The following TAOK3 variants were observed in gnomAD, a reference collection of about 807,000 sequenced individuals.
TAOK3 encodes TAO kinase 3.
A neutral mutation model predicts 120.4 loss-of-function variants in TAOK3; 40 were observed. That is an observed-to-expected ratio of 0.33 (90% CI 0.26 to 0.43). The LOEUF is 0.43. Ranked by LOEUF, TAOK3 falls within the 20% of genes least tolerant of loss-of-function variation. TAOK3 has a pLI of 1.00. For synonymous variants in TAOK3, 355 were observed against 387.5 expected (o/e 0.92, Z 0.99); for missense variants, 821 against 1,112.1 (o/e 0.74, Z 3.72).
chr12:118,156,848 C>T (rs188461429), intron 19 of TAOK3, among the ~76,000 whole-genome samples: 35 of 152,192 alleles, frequency 2.3e-4, no homozygotes, highest in African/African-American at 8.2e-4. Flanking sequence ...AGCGATTCTC[C>T]CGCCTCAGTC....
In TAOK3 at chr12:118,177,234, C is replaced by T; in HGVS notation, c.1662G>A (p.Lys554=). The change falls in exon 16 of 21, where the codon AAG becomes AAA. Residue 554 remains lysine, a synonymous_variant. Transcript: ENST00000392533. Reference sequence around the variant, plus strand: ...TTTTTTCCTTACAAATCTTATACTGCTTCTTCTGACTTTCTAAGAAAGTTG... The same window carrying T: ...TTTTTTCCTTACAAATCTTATACTGTTTCTTCTGACTTTCTAAGAAAGTTG... ...DLTTFLESQK[K]QYKICKEKIK... is the part of the protein sequence containing the mutation. 3 of 1,613,746 alleles carry T rather than the reference C, an allele frequency of 1.9e-6. No individual in the cohort carries two copies. Among genetic ancestry groups the T allele is most frequent in the East Asian group, 2.2e-5 (1 of 44,872 alleles).
chr12:118,343,921 A>G (rs1344035061), intron 1 of TAOK3, among the ~76,000 whole-genome samples: 1 of 151,742 alleles, frequency 6.6e-6, no homozygotes, highest in Non-Finnish European at 1.5e-5. Context: ...CTGAGGCAGG[A>G]GAATGGCATG....
At chr12:118,222,901 AC>A (rs1321489322) in intron 9 of TAOK3, among the ~76,000 whole-genome samples, 1 of 152,202 alleles carries the variant, frequency 6.6e-6, no homozygotes, top group Non-Finnish European at 1.5e-5. Flanking sequence ...AAACAAAAAA[AC>A]ACCTGCACTA....
intron 1 of TAOK3, among the ~76,000 whole-genome samples, chr12:118,345,418 C>T (rs754002129): frequency 2.0e-5 from 3 of 151,982 alleles, no homozygotes; most frequent in Non-Finnish European, 4.4e-5. Flanking sequence ...ACAAAATAAA[C>T]AAATCCTGAA....
chr12:118,162,093 CTAAG>C, intron 17 of TAOK3, 66 bp from the exon 18 acceptor site: 2 of 1,582,734 alleles, frequency 1.3e-6, no homozygotes, highest in African/African-American at 1.3e-5. Context: ...GAATGCACAA[CTAAG>C]TGAGGGAGGG....
chr12:118,346,501 A>G (rs938950881), intron 1 of TAOK3, among the ~76,000 whole-genome samples: 1 of 152,224 alleles, frequency 6.6e-6, no homozygotes, highest in East Asian at 1.9e-4. Flanking sequence ...GGCATCTTTT[A>G]GAAAGAATAA....
intron 17 of TAOK3, 76 bp from the exon 18 acceptor site, chr12:118,162,103 G>GAGGGCA: frequency 6.4e-7 from 1 of 1,565,030 alleles, no homozygotes; most frequent in Non-Finnish European, 8.7e-7. Context: ...CTAAGTGAGG[G>GAGGGCA]AGGGCAAGGA....
chr12:118,260,277 A>G (rs1295031457), intron 2 of TAOK3, among the ~76,000 whole-genome samples: 2 of 152,130 alleles, frequency 1.3e-5, no homozygotes, highest in Admixed American at 1.3e-4. Flanking sequence ...TACAGGCATG[A>G]CCAACTGTGC....
chr12:118,228,476 T>C (rs940726862), intron 9 of TAOK3, among the ~76,000 whole-genome samples: 2 of 152,172 alleles, frequency 1.3e-5, no homozygotes, highest in African/African-American at 2.4e-5. Context: ...TTTAACAATA[T>C]ATAAAAGAAC....
intron 3 of TAOK3, chr12:118,246,531 G>A (rs2040514627): frequency 9.1e-6 from 14 of 1,543,306 alleles, no homozygotes; most frequent in African/African-American, 2.7e-5. Context: ...GGTGGCCACC[G>A]CCATCCGTGG....
chr12:118,325,932 G>A (rs2043917921), intron 1 of TAOK3, among the ~76,000 whole-genome samples: 3 of 152,108 alleles, frequency 2.0e-5, no homozygotes, highest in African/African-American at 7.2e-5. Context: ...TGCAGGCCTT[G>A]GCCTCCCAAA....
chr12:118,331,645 CAAAA>C (rs57291591), intron 1 of TAOK3, among the ~76,000 whole-genome samples: 7 of 48,020 alleles, frequency 1.5e-4, no homozygotes, highest in African/African-American at 4.2e-4. Context: ...ACTCTTATCT[CAAAA>C]AAAAAAAAAA....
At chr12:118,276,628 G>C (rs866629102) in intron 1 of TAOK3, among the ~76,000 whole-genome samples, 7 of 152,214 alleles carry the variant, frequency 4.6e-5, no homozygotes, top group Admixed American at 1.3e-4. Context: ...CATGAACTGG[G>C]GGGGCGGAGC....
chr12:118,323,562 A>G (rs1267587339), intron 1 of TAOK3, among the ~76,000 whole-genome samples: 1 of 152,190 alleles, frequency 6.6e-6, no homozygotes, highest in African/African-American at 2.4e-5. Context: ...AAAAATGTAA[A>G]CCTGTAGGAT....
chr12:118,243,355 GA>G (rs1566001748), intron 5 of TAOK3, 59 bp downstream of exon 5: 8 of 905,044 alleles, frequency 8.8e-6, no homozygotes, highest in Admixed American at 2.7e-5. Context: ...ATAGATAATA[GA>G]AAAAAAAGAA....
chr12:118,244,863 C>T (rs2140019977), intron 4 of TAOK3, 31 bp downstream of exon 4: 1 of 1,517,204 alleles, frequency 6.6e-7, no homozygotes, highest in Non-Finnish European at 9.1e-7. Context: ...TTGTTTATTT[C>T]AGTTTAGGTA....
Position 118,361,050 on chromosome 12 carries a change from A to G in TAOK3, c.-194+11598T>C, listed in dbSNP as rs191955963. On this transcript the variant is annotated intron_variant, in intron 1 of 20. Coordinates refer to ENST00000392533, the MANE Select transcript of TAOK3 (RefSeq NM_016281.4). Reference sequence around the variant, plus strand: ...CAAACCCAATTACTTGTATATGCAGAAAACTGATAACAACCCTAAATTAAC... The same window carrying G: ...CAAACCCAATTACTTGTATATGCAGGAAACTGATAACAACCCTAAATTAAC... Among the ~76,000 whole-genome samples the G allele has an allele frequency of 1.1e-3, 172 of 152,386 alleles. 1 individual carries two copies. Among genetic ancestry groups the G allele is most frequent in the African/African-American group, 3.9e-3 (163 of 41,600 alleles).
chr12:118,277,787 T>A lies in TAOK3; in HGVS notation c.-193-11028A>T, dbSNP rs551586263. On this transcript the variant is annotated intron_variant, in intron 1 of 20. Coordinates refer to ENST00000392533, the MANE Select transcript of TAOK3 (RefSeq NM_016281.4). ...CCATGTATTTTTTAAAAGATCATCA[T>A]CAAAATGAAAACATAACATTAAAAA... 1.4e-4 allele frequency among the ~76,000 whole-genome samples: 22 copies of A among 152,196 alleles called. No individual in the cohort carries two copies. The East Asian group carries it at 4.1e-3, about 28-fold the overall frequency.
chr12:118,230,793 T>C (rs1037512925), intron 9 of TAOK3, among the ~76,000 whole-genome samples: 2 of 152,232 alleles, frequency 1.3e-5, no homozygotes, highest in South Asian at 2.1e-4. Flanking sequence ...TTACGTAGTA[T>C]TGTGGGAAGT....
Sources: gnomAD v4.1 joint callset for allele counts (sites outside exome capture counted in the v4.1 genomes callset) on GRCh38, gnomAD v4.1.1 for gene constraint, MANE v1.5 for transcripts, NCBI Gene and HGNC (gene_info 2026-07-23, HGNC 2026-07-21) for gene names.